ZNF385B: variants seen among roughly 807,000 people sequenced by gnomAD.
ZNF385B encodes the protein zinc finger protein 533.
Under a neutral mutation model 39.2 loss-of-function variants are expected in ZNF385B, and 23 were observed. That is an observed-to-expected ratio of 0.59 (90% CI 0.42 to 0.83). ZNF385B has a LOEUF of 0.83. ZNF385B is among the 40% of genes least tolerant of loss of function. The pLI is 0.00. For synonymous variants in ZNF385B, 205 were observed against 222.6 expected, an observed-to-expected ratio of 0.92 and a Z score of 0.70; for missense variants, 552 against 598.9, an observed-to-expected ratio of 0.92 and a Z score of 0.82.
intron 3 of ZNF385B, among the ~76,000 whole-genome samples, chr2:179,731,441 T>A (rs1701384359): frequency 1.3e-5 from 2 of 152,196 alleles, no homozygotes; most frequent in African/African-American, 4.8e-5. Flanking sequence ...AACTGTTTCT[T>A]CACAATCAAT....
chr2:179,668,512 T>G (rs1307333506), intron 3 of ZNF385B, among the ~76,000 whole-genome samples: 1 of 150,878 alleles, frequency 6.6e-6, no homozygotes, highest in African/African-American at 2.5e-5. Context: ...TTAAGCTAAA[T>G]GGATGGAAAC....
intron 3 of ZNF385B, among the ~76,000 whole-genome samples, chr2:179,565,110 C>T (rs1684403569): frequency 6.6e-6 from 1 of 152,164 alleles, no homozygotes; most frequent in African/African-American, 2.4e-5. Context: ...ATTGTATTCA[C>T]CTTGTAGTCA....
At chr2:179,744,368 A>G (rs1271755588) in intron 3 of ZNF385B, among the ~76,000 whole-genome samples, 1 of 150,586 alleles carries the variant, frequency 6.6e-6, no homozygotes, top group Non-Finnish European at 1.5e-5. Context: ...CGGCTTTGAC[A>G]GTACACCGAA....
chr2:179,684,148 T>A (rs1308268358), intron 3 of ZNF385B, among the ~76,000 whole-genome samples: 1 of 152,352 alleles, frequency 6.6e-6, no homozygotes, highest in African/African-American at 2.4e-5. Context: ...CAATCTGCTA[T>A]CAGGAGCCTC....
At chr2:179,463,393 G>A (rs995036290) in intron 6 of ZNF385B, among the ~76,000 whole-genome samples, 1 of 152,012 alleles carries the variant, frequency 6.6e-6, no homozygotes, top group South Asian at 2.1e-4. Context: ...TGGGGTACAT[G>A]TGCAGAACGT....
chr2:179,445,861 G>A, intron 7 of ZNF385B, 133 bp from the exon 8 acceptor site: 1 of 795,258 alleles, frequency 1.3e-6, no homozygotes, highest in South Asian at 3.2e-5. Context: ...CTTTAATGCT[G>A]ATTTTAAATT....
intron 1 of ZNF385B, among the ~76,000 whole-genome samples, chr2:179,803,259 T>G (rs1706142571): frequency 6.6e-6 from 1 of 152,124 alleles, no homozygotes; most frequent in Non-Finnish European, 1.5e-5. Flanking sequence ...GGCATATGTC[T>G]TCTAAGGTAA....
intron 3 of ZNF385B, among the ~76,000 whole-genome samples, chr2:179,751,106 TAG>T (rs1702642598): frequency 6.6e-6 from 1 of 152,070 alleles, no homozygotes; most frequent in Non-Finnish European, 1.5e-5. Flanking sequence ...TATATTTAAG[TAG>T]TAATTTTTAT....
chr2:179,856,379 G>A (rs1684597020), intron 1 of ZNF385B, among the ~76,000 whole-genome samples: 1 of 151,996 alleles, frequency 6.6e-6, no homozygotes, highest in African/African-American at 2.4e-5. Flanking sequence ...ATCCCACATG[G>A]CATTTTAGTG....
chr2:179,526,900 T>C (rs1264979935), intron 4 of ZNF385B, among the ~76,000 whole-genome samples: 4 of 152,222 alleles, frequency 2.6e-5, no homozygotes, highest in Non-Finnish European at 5.9e-5. Context: ...CACATATTGG[T>C]TGTGGCTTGC....
intron 3 of ZNF385B, among the ~76,000 whole-genome samples, chr2:179,685,706 A>T (rs1298212796): frequency 6.6e-6 from 1 of 150,892 alleles, no homozygotes; most frequent in East Asian, 1.9e-4. Flanking sequence ...AAAAAAAAAA[A>T]TAAAAAAAGT....
intron 3 of ZNF385B, among the ~76,000 whole-genome samples, chr2:179,727,262 T>C (rs1269912324): frequency 1.3e-5 from 2 of 152,110 alleles, no homozygotes; most frequent in Non-Finnish European, 2.9e-5. Context: ...ATTTCAATTA[T>C]CCCACTTTTG....
At chr2:179,467,105 G>A (rs1010153734) in intron 6 of ZNF385B, among the ~76,000 whole-genome samples, 1 of 151,866 alleles carries the variant, frequency 6.6e-6, no homozygotes, top group Non-Finnish European at 1.5e-5. Context: ...TGTTGGCGAT[G>A]GTACCACTCA....
chr2:179,672,722 A>G (rs1206427126), intron 3 of ZNF385B, among the ~76,000 whole-genome samples: 1 of 152,192 alleles, frequency 6.6e-6, no homozygotes, highest in African/African-American at 2.4e-5. Flanking sequence ...ACTCTTTTTC[A>G]TCTATGATGA....
At chr2:179,513,329 T>C (rs1344212115) in intron 5 of ZNF385B, among the ~76,000 whole-genome samples, 4 of 152,276 alleles carry the variant, frequency 2.6e-5, no homozygotes, top group African/African-American at 4.8e-5. Context: ...TTTGTGAATT[T>C]GCCATCCAGA....
At chr2:179,493,643 A>C in intron 5 of ZNF385B, among the ~76,000 whole-genome samples, 1 of 121,424 alleles carries the variant, frequency 8.2e-6, no homozygotes, top group Admixed American at 9.1e-5. Flanking sequence ...ATGTATACAC[A>C]TATGCGTATA....
rs1705939357 is a variant in ZNF385B at position 179,800,181 on chromosome 2, TA to T, written c.-154-29510del. ...TGTAATCTAAGTTGGAAATAAAATG[TA>T]TCTATATTTTATATTAAGGGAAAAT... On this transcript the variant is annotated intron_variant, in intron 1 of 9. Transcript: ENST00000410066. Among the ~76,000 whole-genome samples, 12 of 152,260 alleles carry T rather than the reference TA, an allele frequency of 7.9e-5. No individual in the cohort carries two copies. The South Asian group carries it at 2.3e-3, about 29-fold the overall frequency.
chr2:179,586,708 T>A (rs967958335), intron 3 of ZNF385B, among the ~76,000 whole-genome samples: 4 of 152,180 alleles, frequency 2.6e-5, no homozygotes, highest in African/African-American at 9.7e-5. Context: ...TTACTCTTTT[T>A]TGGTTGAAAG....
chr2:179,608,062 C>A (rs1688974611), intron 3 of ZNF385B, among the ~76,000 whole-genome samples: 1 of 151,794 alleles, frequency 6.6e-6, no homozygotes, highest in Non-Finnish European at 1.5e-5. Context: ...TACAGGCGTG[C>A]ACCACCATGC....
Sources: allele counts gnomAD v4.1 joint callset (sites outside exome capture counted in the v4.1 genomes callset), GRCh38; gene constraint gnomAD v4.1.1; transcripts MANE v1.5; gene names NCBI Gene and HGNC (gene_info 2026-07-23, HGNC 2026-07-21).